NDUFAF6: variants seen among roughly 807,000 people sequenced by gnomAD.
The protein encoded by NDUFAF6 is NADH:ubiquinone oxidoreductase complex assembly factor 6, also known as NADH dehydrogenase (ubiquinone) complex I, assembly factor 6.
A neutral mutation model predicts 40.8 loss-of-function variants in NDUFAF6; 45 were observed. That is an observed-to-expected ratio of 1.10 (90% CI 0.87 to 1.42). The LOEUF is 1.42. Among genes scored for constraint, NDUFAF6 ranks in the 40% most tolerant of loss-of-function variants. The pLI is 0.00. For synonymous variants in NDUFAF6, 185 were observed against 155.9 expected, an observed-to-expected ratio of 1.19 and a Z score of -1.39; for missense variants, 435 against 418.5, an observed-to-expected ratio of 1.04 and a Z score of -0.34.
upstream of NDUFAF6, among the ~76,000 whole-genome samples, chr8:95,099,546 G>C (rs973729479): frequency 9.3e-4 from 140 of 150,512 alleles, no homozygotes; most frequent in African/African-American, 3.3e-3. Context: ...AGGAGTTTAA[G>C]ATCAGCCTGG....
chr8:95,107,056 C>A (rs1421776588), downstream of NDUFAF6, among the ~76,000 whole-genome samples: 1 of 152,194 alleles, frequency 6.6e-6, no homozygotes, highest in Non-Finnish European at 1.5e-5. Context: ...TTAGTTCAAT[C>A]ATTGTGGAAG....
Position 95,068,893 on chromosome 8 carries a change from A to G in NDUFAF6, c.*512-6740A>G, listed in dbSNP as rs534145315. On this transcript the variant is annotated intron_variant and NMD_transcript_variant, in intron 9 of 9. Transcript: ENST00000520757. ...TTTTTCAGCCCCAAAGACCAAATTC[A>G]ATAGTGTCTTTCCTAATTCTCATCC... The G allele has an allele frequency of 5.2e-4, 79 of 151,814 alleles. 3 individuals carry two copies. The highest frequency in any genetic ancestry group is 1.8e-3 in the African/African-American group (74 of 41,186). The allele number at this position is 151,814 out of a possible 1,614,324, so 9.4% of individuals were successfully genotyped here. A position where few individuals can be genotyped will look rare whatever the true frequency, so the allele number is the denominator to read the frequency against.
At chr8:95,048,604 C>T in intron 7 of NDUFAF6, 46 bp downstream of exon 7, 2 of 1,274,618 alleles carry the variant, frequency 1.6e-6, no homozygotes, top group Non-Finnish European at 2.3e-6. Context: ...ATAATCATTT[C>T]TAGATGTGGC....
chr8:94,971,635 C>T (rs974301221), intron 1 of NDUFAF6, among the ~76,000 whole-genome samples: 1 of 152,104 alleles, frequency 6.6e-6, no homozygotes, highest in Admixed American at 6.6e-5. Context: ...GTATATTTCA[C>T]ATATATTTAA....
At chr8:94,954,573 G>C (rs1822912800), upstream of NDUFAF6, among the ~76,000 whole-genome samples, 1 of 152,168 alleles carries the variant, frequency 6.6e-6, no homozygotes, top group Admixed American at 6.5e-5. Context: ...GTGGTCAGGA[G>C]GGCCTCTCTG....
chr8:94,968,798 A>G (rs748949076), intron 1 of NDUFAF6, among the ~76,000 whole-genome samples: 3 of 152,178 alleles, frequency 2.0e-5, no homozygotes, highest in Non-Finnish European at 4.4e-5. Flanking sequence ...GGCCCAGGGG[A>G]GAGAGAGCAA....
At chr8:95,002,407 A>AGTTT (rs1452775781) in intron 2 of NDUFAF6, among the ~76,000 whole-genome samples, 1 of 152,226 alleles carries the variant, frequency 6.6e-6, no homozygotes, top group Non-Finnish European at 1.5e-5. Context: ...TGCAAAAACT[A>AGTTT]ACACATACAA....
intron 6 of NDUFAF6, 81 bp downstream of exon 6, chr8:95,047,208 C>T: frequency 6.3e-7 from 1 of 1,582,222 alleles, no homozygotes; most frequent in Non-Finnish European, 8.7e-7. Flanking sequence ...TTTGCTTAGT[C>T]TATTCAAGTA....
At chr8:94,977,421 C>A (rs1825053467) in intron 1 of NDUFAF6, among the ~76,000 whole-genome samples, 1 of 151,120 alleles carries the variant, frequency 6.6e-6, no homozygotes. Flanking sequence ...ACTCAGGTGA[C>A]CTGAGGTGGG....
At chr8:95,036,633 G>A (rs1829538052) in intron 3 of NDUFAF6, 10 of 647,652 alleles carry the variant, frequency 1.5e-5, no homozygotes, top group Admixed American at 1.2e-4. Flanking sequence ...TATAGTGGAG[G>A]TGGAGGTTTA....
chr8:95,031,072 C>A (rs187374272), intron 1 of NDUFAF6, among the ~76,000 whole-genome samples: 1 of 152,378 alleles, frequency 6.6e-6, no homozygotes, highest in East Asian at 1.9e-4. Flanking sequence ...ATACCTCCCA[C>A]TAGGCCCCAC....
At chr8:95,099,282 T>C (rs1809577705), upstream of NDUFAF6, among the ~76,000 whole-genome samples, 2 of 151,650 alleles carry the variant, frequency 1.3e-5, no homozygotes, top group Admixed American at 1.3e-4. Context: ...TTTCAGAGTA[T>C]ATTCTTTCTT....
chr8:94,930,050 C>T (rs1342274284), intron 1 of NDUFAF6: 1 of 166,506 alleles, frequency 6.0e-6, no homozygotes, highest in African/African-American at 2.4e-5. Flanking sequence ...GAGAGATTAT[C>T]AAGTACTGGT....
intron 1 of NDUFAF6, among the ~76,000 whole-genome samples, chr8:94,944,135 C>A (rs1296147439): frequency 6.6e-6 from 1 of 152,182 alleles, no homozygotes; most frequent in Non-Finnish European, 1.5e-5. Context: ...TCTGCTGAAC[C>A]AGTTGAGAGA....
downstream of NDUFAF6, among the ~76,000 whole-genome samples, chr8:95,076,504 T>C (rs1833019728): frequency 6.6e-6 from 1 of 152,218 alleles, no homozygotes; most frequent in Admixed American, 6.5e-5. Context: ...CTGTGTTCTT[T>C]CTCTTCGTCT....
At chr8:95,105,547 G>A (rs1029650867), downstream of NDUFAF6, among the ~76,000 whole-genome samples, 5 of 151,808 alleles carry the variant, frequency 3.3e-5, no homozygotes, top group African/African-American at 4.8e-5. Flanking sequence ...GTTTTGTTTC[G>A]TTTTTGAGAT....
At chr8:95,033,933 T>C (rs1207324585) in intron 2 of NDUFAF6, 5 of 452,576 alleles carry the variant, frequency 1.1e-5, no homozygotes, top group Non-Finnish European at 1.8e-5. Flanking sequence ...TTGAAATCAC[T>C]TTGGCTGAGT....
intron 1 of NDUFAF6, chr8:94,896,498 A>G (rs1817594893): frequency 6.6e-6 from 1 of 152,322 alleles, no homozygotes; most frequent in Non-Finnish European, 1.5e-5. Context: ...GGTATTCCGC[A>G]AACAGGTTTT....
chr8:95,020,669 T>G (rs542904859), upstream of NDUFAF6, among the ~76,000 whole-genome samples: 1 of 152,330 alleles, frequency 6.6e-6, no homozygotes, highest in South Asian at 2.1e-4. Context: ...AAACTTGGCC[T>G]TCAGAACGAT....
Sources: gnomAD v4.1 joint callset for allele counts (sites outside exome capture counted in the v4.1 genomes callset) on GRCh38, gnomAD v4.1.1 for gene constraint, MANE v1.5 for transcripts, NCBI Gene and HGNC (gene_info 2026-07-23, HGNC 2026-07-21) for gene names.